The following LRP1B variants were observed in gnomAD, a reference collection of about 807,000 sequenced individuals.
LRP1B encodes low-density lipoprotein receptor-related protein 1B.
In LRP1B, 217 loss-of-function variants were observed where a neutral mutation model predicts 556.6. The observed-to-expected ratio is 0.39, with a 90% CI of 0.35 to 0.44. The LOEUF is 0.44. LRP1B is among the 20% of genes least tolerant of loss of function. The pLI is 1.00. For synonymous variants in LRP1B, 2,047 were observed against 1,865.8 expected (o/e 1.10, Z -2.50); for missense variants, 5,053 against 5,620.8 (o/e 0.90, Z 3.23).
intron 43 of LRP1B, among the ~76,000 whole-genome samples, chr2:140,582,130 A>C (rs1431092403): frequency 6.6e-6 from 1 of 152,216 alleles, no homozygotes; most frequent in Non-Finnish European, 1.5e-5. Context: ...TAATTAAAAA[A>C]AAATTCTCAT....
In LRP1B at chr2:140,868,385, T is replaced by C. The variant is rs145286461; in HGVS notation, c.4170-122A>G. ...GGTGATAAGTCACAAGAGAAACAGA[T>C]GTATTATCTATCCTCGTGGGGCTTA... On this transcript the variant is annotated intron_variant, in intron 25 of 90. Coordinates refer to ENST00000389484, the MANE Select transcript of LRP1B (RefSeq NM_018557.3). 7.0e-6 allele frequency: 6 copies of C among 858,140 alleles called. No individual in the cohort carries two copies. In the East Asian group the frequency reaches 1.4e-4, roughly 20 times the overall value. 53.2% of individuals were successfully genotyped at this position (858,140 alleles called of 1,614,324 possible).
Position 141,062,115 on chromosome 2 carries a change from A to G in LRP1B, c.1172T>C (p.Leu391Ser), listed in dbSNP as rs1699352832. Residue 391 changes from leucine (L) to serine (S), a missense_variant, in exon 8 of 91, where the codon TTG (leucine) becomes TCG (serine). Coordinates refer to ENST00000389484, the MANE Select transcript of LRP1B (RefSeq NM_018557.3). ...ATAGTCCACTACTCCCACATAGTCC[A>G]AGTAAAGATCTACCCAGTAAACCAA... ...NKLVYWVDLY[L>S]DYVGVVDYQG... 6.2e-7 allele frequency: 1 copy of G among 1,611,864 alleles called. No homozygotes were observed. Among genetic ancestry groups the G allele is most frequent in the Non-Finnish European group, 8.5e-7 (1 of 1,178,724 alleles).
At chr2:140,278,350 G>C (rs1182824150) in intron 84 of LRP1B, among the ~76,000 whole-genome samples, 1 of 151,924 alleles carries the variant, frequency 6.6e-6, no homozygotes, top group Non-Finnish European at 1.5e-5. Context: ...AAACTTTTCT[G>C]TGTATATTAC....
chr2:141,754,485 T>G (rs57065404), intron 2 of LRP1B, among the ~76,000 whole-genome samples: 37,647 of 152,070 alleles, frequency 0.25, 5,331 homozygotes, highest in Non-Finnish European at 0.31. Context: ...AAATACCTAC[T>G]TACCAATGCA....
rs1475394457 is a variant in LRP1B, at chr2:142,115,591, A to T, written c.82+15057T>A. 8.7e-5 allele frequency among the ~76,000 whole-genome samples: 4 copies of T among 46,068 alleles called. 1 individual carries two copies. Among genetic ancestry groups the T allele is most frequent in the East Asian group, 1.8e-3 (2 of 1,086 alleles). 30.2% of individuals were successfully genotyped at this position (46,068 alleles called of 152,430 possible). Reference sequence around the variant, plus strand: ...TATATATTATATATGTAATATATATATTATATATGTAATATATATTATATA... The same window carrying T: ...TATATATTATATATGTAATATATATTTTATATATGTAATATATATTATATA... On this transcript the variant is annotated intron_variant, in intron 1 of 90. Transcript: ENST00000389484.
rs148240536 is a variant in LRP1B, at chr2:141,616,659, T to C, written c.206-136126A>G. The stretch of plus-strand genomic sequence containing the variant: ...TATTTACATTCCTCAGATTTATAAG[T>C]ACAGTTCTTTTTAAAAAATTGTTTT... On this transcript the variant is annotated intron_variant, in intron 2 of 90. Coordinates refer to ENST00000389484, the MANE Select transcript of LRP1B (RefSeq NM_018557.3). Among the ~76,000 whole-genome samples the C allele has an allele frequency of 2.9e-3, 436 of 152,356 alleles. 4 individuals carry two copies. The highest frequency in any genetic ancestry group is 0.01 in the African/African-American group (418 of 41,592).
intron 10 of LRP1B, among the ~76,000 whole-genome samples, chr2:141,050,865 A>G (rs1350539922): frequency 2.0e-5 from 3 of 152,126 alleles, no homozygotes; most frequent in Admixed American, 6.6e-5. Flanking sequence ...ATGGGAGAAC[A>G]TTTTCGCAAT....
At chr2:142,050,849 A>T (rs1017480722) in intron 1 of LRP1B, among the ~76,000 whole-genome samples, 2 of 152,176 alleles carry the variant, frequency 1.3e-5, no homozygotes, top group Non-Finnish European at 2.9e-5. Context: ...GGATACCTCC[A>T]AACATTCTAC....
chr2:141,356,819 T>C (rs16845900), intron 3 of LRP1B, among the ~76,000 whole-genome samples: 3,046 of 152,180 alleles, frequency 0.02, 110 homozygotes, highest in African/African-American at 0.07. Context: ...CAGATACTTG[T>C]GATTGTAAGC....
intron 2 of LRP1B, among the ~76,000 whole-genome samples, chr2:141,675,374 A>G (rs1178308341): frequency 2.6e-5 from 4 of 151,880 alleles, no homozygotes; most frequent in Admixed American, 2.0e-4. Flanking sequence ...CTAAGATTGT[A>G]TCTTTAACCC....
At chr2:141,632,868 CCAAAA>C (rs1688963158) in intron 2 of LRP1B, among the ~76,000 whole-genome samples, 1 of 12,230 alleles carries the variant, frequency 8.2e-5, no homozygotes, top group Non-Finnish European at 1.8e-4. Flanking sequence ...GCTACAAGAA[CCAAAA>C]AAAAAAAAAA....
intron 3 of LRP1B, among the ~76,000 whole-genome samples, chr2:141,453,774 C>T (rs1474817369): frequency 2.6e-5 from 4 of 151,834 alleles, no homozygotes; most frequent in South Asian, 2.1e-4. Flanking sequence ...AAAAATTAGC[C>T]GGGTGTGGTG....
At chr2:140,957,775 C>A (rs1025061103) in intron 18 of LRP1B, among the ~76,000 whole-genome samples, 5 of 151,338 alleles carry the variant, frequency 3.3e-5, no homozygotes, top group Admixed American at 2.6e-4. Flanking sequence ...TAATGTCAAT[C>A]TGGGACAGGA....
intron 1 of LRP1B, among the ~76,000 whole-genome samples, chr2:141,895,862 CTCT>C (rs1699435895): frequency 6.6e-6 from 1 of 151,952 alleles, no homozygotes. Flanking sequence ...GCCCTCCAAC[CTCT>C]TCATTTGGGC....
intron 2 of LRP1B, among the ~76,000 whole-genome samples, chr2:141,675,039 AC>A (rs964867247): frequency 9.9e-5 from 15 of 151,960 alleles, no homozygotes; most frequent in East Asian, 5.8e-4. Flanking sequence ...ATGTTTAGAA[AC>A]TTTTGTTTTT....
intron 2 of LRP1B, among the ~76,000 whole-genome samples, chr2:141,676,516 T>C (rs370845152): frequency 1.3e-5 from 2 of 152,190 alleles, no homozygotes; most frequent in African/African-American, 4.8e-5. Context: ...AATACCTATG[T>C]TAATTTCCAT....
chr2:140,999,501 A>G (rs1697350221), intron 15 of LRP1B, among the ~76,000 whole-genome samples: 1 of 152,132 alleles, frequency 6.6e-6, no homozygotes, highest in Admixed American at 6.6e-5. Flanking sequence ...TTCTAACATC[A>G]GCTTGGTAAA....
At chr2:140,989,414 C>G in intron 17 of LRP1B, 118 bp downstream of exon 17, 1 of 1,027,460 alleles carries the variant, frequency 9.7e-7, no homozygotes, top group Non-Finnish European at 1.4e-6. Flanking sequence ...TCATTTACTA[C>G]TGCAATAATC....
intron 60 of LRP1B, 99 bp downstream of exon 60, chr2:140,475,037 AAT>A (rs1477085758): frequency 8.7e-6 from 4 of 458,290 alleles, no homozygotes; most frequent in Non-Finnish European, 1.4e-5. Flanking sequence ...CCTTAAATTA[AAT>A]ATGTTTTATG....
Sources: gnomAD v4.1 joint callset for allele counts (sites outside exome capture counted in the v4.1 genomes callset) on GRCh38, gnomAD v4.1.1 for gene constraint, MANE v1.5 for transcripts, NCBI Gene and HGNC (gene_info 2026-07-23, HGNC 2026-07-21) for gene names.